Variants in EBF4 observed in about 807,000 individuals in gnomAD.
The protein encoded by EBF4 is transcription factor COE4.
Under a neutral mutation model 67.1 loss-of-function variants are expected in EBF4, and 34 were observed. The observed-to-expected ratio is 0.51, with a 90% CI of 0.39 to 0.67. EBF4 has a LOEUF of 0.67. EBF4 is among the 30% of genes least tolerant of loss of function. EBF4 has a pLI of 0.00. For synonymous variants in EBF4, 387 were observed against 377.7 expected (o/e 1.02, Z -0.29); for missense variants, 837 against 873.3 (o/e 0.96, Z 0.52).
chr20:2,744,846 C>T (rs2088026320), intron 6 of EBF4, among the ~76,000 whole-genome samples: 1 of 152,142 alleles, frequency 6.6e-6, no homozygotes, highest in African/African-American at 2.4e-5. Flanking sequence ...ACTGATACAA[C>T]TAATTATCAT....
chr20:2,706,033 C>A, exon 3 of EBF4: 1 of 1,551,594 alleles, frequency 6.4e-7, no homozygotes, highest in South Asian at 1.2e-5. Context: ...TGGTGTATAA[C>A]AATGGTGAGT....
chr20:2,737,212 T>G (rs183874262), intron 6 of EBF4, among the ~76,000 whole-genome samples: 1 of 142,538 alleles, frequency 7.0e-6, no homozygotes, highest in African/African-American at 2.7e-5. Context: ...ATCGCGCCAC[T>G]GCACTCCAGC....
chr20:2,754,659 C>T (rs945271690), intron 14 of EBF4, among the ~76,000 whole-genome samples: 3 of 152,210 alleles, frequency 2.0e-5, no homozygotes, highest in African/African-American at 7.2e-5. Context: ...ACCCACCCCA[C>T]TGCCTGCTGC....
chr20:2,722,641 A>C (rs2087697222), intron 6 of EBF4, among the ~76,000 whole-genome samples: 1 of 152,246 alleles, frequency 6.6e-6, no homozygotes, highest in African/African-American at 2.4e-5. Flanking sequence ...CCACAGCCTG[A>C]AAACACTCAG....
At chr20:2,759,232 C>T (rs1022935530) in intron 16 of EBF4, 36 bp from the exon 17 acceptor site, 14 of 552,916 alleles carry the variant, frequency 2.5e-5, no homozygotes, top group Admixed American at 2.5e-4. Context: ...CAGCCTTCCT[C>T]CCCGACCTTC....
At chr20:2,702,315 C>G (rs2087387917) in intron 1 of EBF4, among the ~76,000 whole-genome samples, 1 of 152,112 alleles carries the variant, frequency 6.6e-6, no homozygotes, top group South Asian at 2.1e-4. Flanking sequence ...GTAGTCCCAG[C>G]TACTCGGACG....
chr20:2,745,810 G>T lies in EBF4; in HGVS notation c.558-2739G>T, dbSNP rs529137890. Among the ~76,000 whole-genome samples the T allele has an allele frequency of 2.6e-5, 4 of 152,304 alleles. No individual in the cohort carries two copies. The East Asian group carries it at 7.7e-4, about 29-fold the overall frequency. On this transcript the variant is annotated intron_variant, in intron 6 of 16. Coordinates refer to ENST00000609451, the Ensembl canonical transcript of EBF4. The surrounding 1 kb of genome is among the most constrained non-coding windows in gnomAD (Gnocchi z 5.2). Reference sequence around the variant, plus strand: ...GGGTCATGCAGAGAGTCCAGGCCTGGCCAGAGCCCCTATCTTGGCCCCTTC... The same window carrying T: ...GGGTCATGCAGAGAGTCCAGGCCTGTCCAGAGCCCCTATCTTGGCCCCTTC...
chr20:2,753,744 C>T (rs1216887198), intron 14 of EBF4, among the ~76,000 whole-genome samples: 2 of 152,240 alleles, frequency 1.3e-5, no homozygotes, highest in African/African-American at 4.8e-5. Flanking sequence ...TGTGTCCTGC[C>T]TGCTTTCTGG....
At chr20:2,748,188 A>G (rs1016503874) in intron 6 of EBF4, among the ~76,000 whole-genome samples, 1 of 152,174 alleles carries the variant, frequency 6.6e-6, no homozygotes, top group African/African-American at 2.4e-5. Flanking sequence ...TGATGGGTAT[A>G]CAGTGCGTTG....
At chr20:2,759,241 T>C in intron 16 of EBF4, 27 bp from the exon 17 acceptor site, 1 of 543,378 alleles carries the variant, frequency 1.8e-6, no homozygotes. Flanking sequence ...TCCCCGACCT[T>C]CTTCTCTCCC....
chr20:2,705,788 CACACA>C, intron 2 of EBF4, 55 bp downstream of exon 2: 2 of 260,318 alleles, frequency 7.7e-6, no homozygotes, highest in Non-Finnish European at 9.8e-6. Context: ...CCCCCAACCA[CACACA>C]CACACACACA....
chr20:2,738,990 A>ATGG (rs1482372706), intron 6 of EBF4, among the ~76,000 whole-genome samples: 1 of 151,986 alleles, frequency 6.6e-6, no homozygotes, highest in Non-Finnish European at 1.5e-5. Context: ...GGTGGGGATC[A>ATGG]TGGTGGGGAG....
intron 6 of EBF4, among the ~76,000 whole-genome samples, chr20:2,721,246 C>CTTTTTTTTT (rs146844927): frequency 1.8e-5 from 2 of 108,122 alleles, no homozygotes; most frequent in East Asian, 2.6e-4. Context: ...TGATTCTCTT[C>CTTTTTTTTT]TTTTTTTTTT....
At chr20:2,744,827 C>T (rs2088025986) in intron 6 of EBF4, among the ~76,000 whole-genome samples, 1 of 152,080 alleles carries the variant, frequency 6.6e-6, no homozygotes, top group South Asian at 2.1e-4. Context: ...TTTCCAGTAG[C>T]CACAAGAAAC....
At chr20:2,728,488 C>T (rs933923027) in intron 6 of EBF4, among the ~76,000 whole-genome samples, 4 of 152,188 alleles carry the variant, frequency 2.6e-5, no homozygotes, top group Middle Eastern at 6.8e-3. Context: ...AGAGTCACCT[C>T]CATGGTTGAG....
intron 6 of EBF4, among the ~76,000 whole-genome samples, chr20:2,744,853 T>C (rs563337457): frequency 9.8e-5 from 15 of 152,330 alleles, no homozygotes; most frequent in African/African-American, 3.4e-4. Context: ...CAACTAATTA[T>C]CATAATGCAT....
chr20:2,736,834 G>GTCTCCAAAGGA (rs1555788156), intron 6 of EBF4, among the ~76,000 whole-genome samples: 1 of 152,096 alleles, frequency 6.6e-6, no homozygotes, highest in Non-Finnish European at 1.5e-5. Flanking sequence ...AAGGACAAAG[G>GTCTCCAAAGGA]ACCCCTAATG....
intron 6 of EBF4, among the ~76,000 whole-genome samples, chr20:2,735,996 CA>C (rs1211239336): frequency 6.6e-6 from 1 of 152,182 alleles, no homozygotes; most frequent in Admixed American, 6.5e-5. Flanking sequence ...ATATGGTAGC[CA>C]ATAGCCACAC....
intron 6 of EBF4, among the ~76,000 whole-genome samples, chr20:2,722,042 T>C (rs1182867197): frequency 6.6e-6 from 1 of 152,200 alleles, no homozygotes; most frequent in Non-Finnish European, 1.5e-5. Flanking sequence ...TTTTGTCTTT[T>C]TGAGCCTTGG....
Sources: allele counts gnomAD v4.1 joint callset (sites outside exome capture counted in the v4.1 genomes callset), GRCh38; gene constraint gnomAD v4.1.1; non-coding constraint Gnocchi (gnomAD v3.1); transcripts MANE v1.5; gene names NCBI Gene and HGNC (gene_info 2026-07-23, HGNC 2026-07-21).